Variants in UBAP1 observed in about 807,000 individuals in gnomAD.
The protein encoded by UBAP1 is ubiquitin-associated protein 1.
Under a neutral mutation model 39.0 loss-of-function variants are expected in UBAP1, and 5 were observed. That is an observed-to-expected ratio of 0.13 (90% CI 0.07 to 0.27). The LOEUF (loss-of-function observed/expected upper bound fraction) is 0.27, where lower values mean the gene tolerates loss of function less well. UBAP1 is among the 10% of genes least tolerant of loss of function. The probability of loss-of-function intolerance (pLI) is 1.00; values close to 1 mark genes in which losing one functional copy is unlikely to be tolerated. For synonymous variants in UBAP1, 211 were observed against 225.1 expected (o/e 0.94, Z 0.56); for missense variants, 490 against 608.1 (o/e 0.81, Z 2.04).
chr9:34,182,185 T>G (rs535340207), intron 1 of UBAP1, among the ~76,000 whole-genome samples: 1 of 145,646 alleles, frequency 6.9e-6, no homozygotes, highest in African/African-American at 2.7e-5. Flanking sequence ...TATTTATTTA[T>G]TTATTTATTT....
chr9:34,236,669 C>T (rs1234409680), intron 3 of UBAP1, among the ~76,000 whole-genome samples: 3 of 152,064 alleles, frequency 2.0e-5, no homozygotes, highest in African/African-American at 7.2e-5. Context: ...CTGTGTCTCA[C>T]ATTGCAGTTC....
intron 1 of UBAP1, among the ~76,000 whole-genome samples, chr9:34,188,943 G>A (rs1335046062): frequency 1.3e-5 from 2 of 152,130 alleles, no homozygotes; most frequent in African/African-American, 4.8e-5. Context: ...GCCGACAAGA[G>A]TGAAACTCCA....
intron 1 of UBAP1, chr9:34,191,426 C>T (rs2131509960): frequency 6.6e-6 from 1 of 152,242 alleles, no homozygotes; most frequent in Admixed American, 6.5e-5. Context: ...TGTCTTTAGC[C>T]ATGAGGGATG....
At chr9:34,246,440 A>C (rs1834182936) in intron 4 of UBAP1, among the ~76,000 whole-genome samples, 1 of 152,230 alleles carries the variant, frequency 6.6e-6, no homozygotes, top group African/African-American at 2.4e-5. Flanking sequence ...TGTTAAATGA[A>C]ATTCTCCCTT....
chr9:34,182,236 G>C (rs2131481608), intron 1 of UBAP1, among the ~76,000 whole-genome samples: 1 of 148,966 alleles, frequency 6.7e-6, no homozygotes, highest in Non-Finnish European at 1.5e-5. Flanking sequence ...CCAGGCTGGA[G>C]TGCTGTGGCG....
intron 2 of UBAP1, chr9:34,223,947 A>G: frequency 3.0e-6 from 1 of 337,658 alleles, no homozygotes; most frequent in Non-Finnish European, 5.6e-6. Flanking sequence ...CAAAACAATA[A>G]ACACCTTCAT....
At chr9:34,235,362 G>A (rs892043177) in intron 3 of UBAP1, among the ~76,000 whole-genome samples, 3 of 150,526 alleles carry the variant, frequency 2.0e-5, no homozygotes, top group Non-Finnish European at 3.0e-5. Flanking sequence ...TTTTTGAGAC[G>A]GAGTCTCACT....
At chr9:34,191,076 A>G (rs919491905) in intron 1 of UBAP1, among the ~76,000 whole-genome samples, 2 of 152,160 alleles carry the variant, frequency 1.3e-5, no homozygotes, top group Non-Finnish European at 2.9e-5. Flanking sequence ...GACATTCTGT[A>G]TCTGTCCTGT....
chr9:34,232,055 C>T (rs577638636), intron 2 of UBAP1, among the ~76,000 whole-genome samples: 143 of 151,608 alleles, frequency 9.4e-4, no homozygotes, highest in African/African-American at 3.2e-3. Context: ...AGAAAGGAGT[C>T]GTTCTTGAGG....
At chr9:34,180,414 A>G (rs932974609) in intron 1 of UBAP1, among the ~76,000 whole-genome samples, 1 of 151,984 alleles carries the variant, frequency 6.6e-6, no homozygotes, top group Non-Finnish European at 1.5e-5. Flanking sequence ...TGGCCGAGGC[A>G]GGAGAATGGC....
intron 1 of UBAP1, among the ~76,000 whole-genome samples, chr9:34,207,054 T>TC (rs1831741714): frequency 7.0e-6 from 1 of 143,284 alleles, no homozygotes; most frequent in East Asian, 2.0e-4. Flanking sequence ...ATTTCTTTTT[T>TC]TTTTTTTTTT....
intron 1 of UBAP1, among the ~76,000 whole-genome samples, chr9:34,184,110 G>C (rs532398708): frequency 1.2e-4 from 19 of 152,144 alleles, no homozygotes; most frequent in Admixed American, 7.9e-4. Flanking sequence ...TTAGAAAAAA[G>C]AAGCAAGCAG....
intron 2 of UBAP1, among the ~76,000 whole-genome samples, chr9:34,225,124 A>G (rs748472561): frequency 2.0e-5 from 3 of 152,190 alleles, no homozygotes; most frequent in Non-Finnish European, 2.9e-5. Context: ...TGACTGATCC[A>G]TTGAGAGGTT....
chr9:34,215,274 A>G (rs114784705), intron 1 of UBAP1, among the ~76,000 whole-genome samples: 1,729 of 151,990 alleles, frequency 0.011, 39 homozygotes, highest in African/African-American at 0.039. Context: ...TGTATATATG[A>G]TAGTGTGTGT....
At chr9:34,208,584 T>C (rs1831842252) in intron 1 of UBAP1, among the ~76,000 whole-genome samples, 1 of 152,058 alleles carries the variant, frequency 6.6e-6, no homozygotes, top group Non-Finnish European at 1.5e-5. Context: ...GAGACCATCC[T>C]GGTTAACACA....
chr9:34,197,663 C>T (rs1183884836), intron 1 of UBAP1, among the ~76,000 whole-genome samples: 1 of 152,124 alleles, frequency 6.6e-6, no homozygotes, highest in Admixed American at 6.6e-5. Flanking sequence ...GATTGTCCTG[C>T]CTCAGCCTCC....
chr9:34,207,666 T>C (rs1206950129), intron 1 of UBAP1, among the ~76,000 whole-genome samples: 1 of 151,182 alleles, frequency 6.6e-6, no homozygotes, highest in Non-Finnish European at 1.5e-5. Flanking sequence ...TATTTCTTTT[T>C]TTTTTTTAAA....
intron 4 of UBAP1, among the ~76,000 whole-genome samples, chr9:34,247,400 A>AATTAAAAAG (rs1460866335): frequency 6.6e-6 from 1 of 152,182 alleles, no homozygotes; most frequent in East Asian, 1.9e-4. Flanking sequence ...GAGCATGTAC[A>AATTAAAAAG]ATTAATAAAT....
Position 34,182,241 on chromosome 9 carries a change from G to A in UBAP1, c.-8+3001G>A, listed in dbSNP as rs555267748. ...GCACTGTTGCCCAGGCTGGAGTGCT[G>A]TGGCGTGATCTCAGCTCACTGCAAC... On this transcript the variant is annotated intron_variant, in intron 1 of 6. Coordinates refer to ENST00000297661, the MANE Select transcript of UBAP1 (RefSeq NM_016525.5). Among the ~76,000 whole-genome samples the A allele has an allele frequency of 1.1e-4, 16 of 149,606 alleles. 3 individuals carry two copies. The East Asian group carries it at 3.1e-3, about 29-fold the overall frequency.
Sources: allele counts gnomAD v4.1 joint callset (sites outside exome capture counted in the v4.1 genomes callset), GRCh38; gene constraint gnomAD v4.1.1; transcripts MANE v1.5; gene names NCBI Gene and HGNC (gene_info 2026-07-23, HGNC 2026-07-21).